Variants in DACH1 observed in about 807,000 individuals in gnomAD.
DACH1 encodes the protein dachshund family transcription factor 1, also known as dachshund homolog 1.
DACH1 carries 12 observed loss-of-function variants against 54.2 expected under a neutral mutation model. That is an observed-to-expected ratio of 0.22 (90% CI 0.14 to 0.36). DACH1 has a LOEUF of 0.36. Ranked by LOEUF, DACH1 falls within the 10% of genes least tolerant of loss-of-function variation. The pLI is 1.00. For synonymous variants in DACH1, 386 were observed against 366.2 expected (o/e 1.05, Z -0.62); for missense variants, 805 against 929.8 (o/e 0.87, Z 1.75).
At chr13:71,550,184 T>C (rs1433117108) in intron 6 of DACH1, among the ~76,000 whole-genome samples, 1 of 152,206 alleles carries the variant, frequency 6.6e-6, no homozygotes, top group Non-Finnish European at 1.5e-5. Context: ...TTCCAATTTA[T>C]ATAATCAAAC....
chr13:71,710,452 TTGTGTGTGTGTGTGTGTG>T (rs71681955), intron 1 of DACH1, among the ~76,000 whole-genome samples: 7 of 140,562 alleles, frequency 5.0e-5, no homozygotes, highest in African/African-American at 1.6e-4. Flanking sequence ...TATGAGGGTT[TTGTGTGTGTGTGTGTGTG>T]TGTGTGTGTG....
intron 1 of DACH1, among the ~76,000 whole-genome samples, chr13:71,746,025 C>T (rs919207078): frequency 1.3e-5 from 2 of 152,144 alleles, no homozygotes; most frequent in African/African-American, 4.8e-5. Context: ...CGAGACCATC[C>T]TGGCCAACAT....
intron 1 of DACH1, among the ~76,000 whole-genome samples, chr13:71,824,201 G>A (rs1888297120): frequency 6.6e-6 from 1 of 151,694 alleles, no homozygotes; most frequent in Non-Finnish European, 1.5e-5. Flanking sequence ...CACTAAATTT[G>A]ATCTACGTAA....
chr13:71,447,617 A>T (rs746810841), intron 10 of DACH1, among the ~76,000 whole-genome samples: 1 of 152,018 alleles, frequency 6.6e-6, no homozygotes, highest in Non-Finnish European at 1.5e-5. Flanking sequence ...GTGGATCACG[A>T]GGTCAGGAAA....
chr13:71,726,594 G>A (rs1594141593), intron 1 of DACH1, among the ~76,000 whole-genome samples: 1 of 151,834 alleles, frequency 6.6e-6, no homozygotes. Flanking sequence ...AATTAAAGAG[G>A]TAACTATTCC....
At chr13:71,530,855 T>G (rs577620216) in intron 6 of DACH1, among the ~76,000 whole-genome samples, 3 of 152,158 alleles carry the variant, frequency 2.0e-5, no homozygotes, top group Non-Finnish European at 4.4e-5. Flanking sequence ...AAAATAATTT[T>G]TATTTTATTC....
rs35310464 is a variant in DACH1 at position 71,798,323 on chromosome 13, CATATATATATATATAT to C, written c.848+67583_848+67598del. 6.6e-3 allele frequency among the ~76,000 whole-genome samples: 635 copies of C among 96,488 alleles called. 26 individuals carry two copies. The East Asian group carries it at 0.079, about 12-fold the overall frequency. The allele number at this position is 96,488 out of a possible 152,430, so 63.3% of individuals were successfully genotyped here. A position where few individuals can be genotyped will look rare whatever the true frequency, so the allele number is the denominator to read the frequency against. On this transcript the variant is annotated intron_variant, in intron 1 of 10. Coordinates refer to ENST00000613252, the MANE Select transcript of DACH1 (RefSeq NM_080759.6). Reference sequence around the variant, plus strand: ...GATTTTAAAGAGAACTTGTTACATACATATATATATATATATATATATATATATATATATATATATC... The same window carrying C: ...GATTTTAAAGAGAACTTGTTACATACATATATATATATATATATATATATC...
chr13:71,668,248 A>C (rs1879978893), intron 2 of DACH1, among the ~76,000 whole-genome samples: 1 of 152,070 alleles, frequency 6.6e-6, no homozygotes, highest in African/African-American at 2.4e-5. Context: ...CAAAATAATA[A>C]CTTACATTTG....
chr13:71,654,448 A>G (rs77887477), intron 2 of DACH1, among the ~76,000 whole-genome samples: 1,067 of 102,970 alleles, frequency 0.01, 7 homozygotes, highest in South Asian at 0.022. Context: ...ATAAAATAAA[A>G]TAAAATAAAG....
chr13:71,490,116 T>C (rs1451688107), intron 6 of DACH1, among the ~76,000 whole-genome samples: 1 of 152,148 alleles, frequency 6.6e-6, no homozygotes, highest in Non-Finnish European at 1.5e-5. Context: ...TATTTTCATA[T>C]TTCACCCCAG....
intron 1 of DACH1, among the ~76,000 whole-genome samples, chr13:71,816,600 ATGTG>A (rs201182473): frequency 1.0e-5 from 1 of 99,834 alleles, no homozygotes; most frequent in Non-Finnish European, 2.2e-5. Flanking sequence ...ATACACACAT[ATGTG>A]TGTATATATA....
chr13:71,494,686 AT>A (rs1879261496), intron 6 of DACH1, among the ~76,000 whole-genome samples: 2 of 152,108 alleles, frequency 1.3e-5, no homozygotes, highest in African/African-American at 4.8e-5. Flanking sequence ...AGCACATATT[AT>A]AATCTTGACC....
intron 1 of DACH1, among the ~76,000 whole-genome samples, chr13:71,735,428 CACGTATACGGATATACGTGTATAT>C (rs1884028618): frequency 6.9e-5 from 2 of 28,948 alleles, no homozygotes; most frequent in African/African-American, 1.7e-4. Context: ...ATGGGATATA[CACGTATACGGATATACGTGTATAT>C]GGGATATACA....
chr13:71,617,763 T>A (rs975933721), intron 3 of DACH1, among the ~76,000 whole-genome samples: 10 of 152,292 alleles, frequency 6.6e-5, no homozygotes, highest in African/African-American at 2.4e-4. Flanking sequence ...TCTGTGTAAA[T>A]TGAGCTCTTT....
At chr13:71,614,722 T>C (rs1287714001) in intron 3 of DACH1, among the ~76,000 whole-genome samples, 1 of 151,832 alleles carries the variant, frequency 6.6e-6, no homozygotes, top group Non-Finnish European at 1.5e-5. Context: ...GGTGTGATGG[T>C]GCATGCCTGT....
At chr13:71,524,723 A>G (rs1221764576) in intron 6 of DACH1, among the ~76,000 whole-genome samples, 1 of 152,108 alleles carries the variant, frequency 6.6e-6, no homozygotes, top group Non-Finnish European at 1.5e-5. Context: ...TGGAGATAGC[A>G]TATTTGCAAG....
intron 1 of DACH1, among the ~76,000 whole-genome samples, chr13:71,754,373 G>A (rs959766861): frequency 1.3e-5 from 2 of 152,136 alleles, no homozygotes; most frequent in African/African-American, 2.4e-5. Flanking sequence ...CCCCTTTCAT[G>A]CTATGCAATC....
At chr13:71,838,180 G>T (rs1888873426) in intron 1 of DACH1, among the ~76,000 whole-genome samples, 1 of 152,048 alleles carries the variant, frequency 6.6e-6, no homozygotes, top group Non-Finnish European at 1.5e-5. Context: ...GATTCCTATT[G>T]CCCCCAGTGG....
In DACH1 at chr13:71,713,498, TA is replaced by T. The variant is rs1189755055; in HGVS notation, c.849-31589del. 2.0e-5 allele frequency among the ~76,000 whole-genome samples: 3 copies of T among 152,260 alleles called. No homozygotes were observed. The East Asian group carries it at 5.8e-4, about 29-fold the overall frequency. ...CAAAAAAAGCTTCTGGATGCATTAG[TA>T]AAAAACAGATGATTTAAATCATTAT... On this transcript the variant is annotated intron_variant, in intron 1 of 10. Transcript: ENST00000613252.
Sources: gnomAD v4.1 joint callset for allele counts (sites outside exome capture counted in the v4.1 genomes callset) on GRCh38, gnomAD v4.1.1 for gene constraint, MANE v1.5 for transcripts, NCBI Gene and HGNC (gene_info 2026-07-23, HGNC 2026-07-21) for gene names.